DDX10: variants seen among roughly 807,000 people sequenced by gnomAD.
DDX10 encodes DEAD-box helicase 10, also known as probable ATP-dependent RNA helicase DDX10.
In DDX10, 74 loss-of-function variants were observed where a neutral mutation model predicts 104.3. The ratio of observed to expected loss-of-function variants is 0.71; its 90% confidence interval spans 0.59 to 0.86. DDX10 has a LOEUF of 0.86. Among genes scored for constraint, DDX10 ranks in the 40% least tolerant of loss-of-function variants. DDX10 has a pLI of 0.00. For synonymous variants in DDX10, 351 were observed against 353.4 expected (o/e 0.99, Z 0.08); for missense variants, 952 against 1,040.0 (o/e 0.92, Z 1.16).
At chr11:108,792,766 C>T (rs907707537) in intron 13 of DDX10, among the ~76,000 whole-genome samples, 1 of 151,856 alleles carries the variant, frequency 6.6e-6, no homozygotes, top group Non-Finnish European at 1.5e-5. Flanking sequence ...TTGTAATAAG[C>T]CTTTAATTAC....
chr11:108,805,836 T>C (rs1862090549), intron 13 of DDX10, among the ~76,000 whole-genome samples: 1 of 152,222 alleles, frequency 6.6e-6, no homozygotes, highest in Non-Finnish European at 1.5e-5. Context: ...GAAATAAATG[T>C]ACTTATTTAA....
At chr11:108,772,444 T>C (rs374339085) in intron 13 of DDX10, among the ~76,000 whole-genome samples, 3 of 151,928 alleles carry the variant, frequency 2.0e-5, no homozygotes, top group East Asian at 3.9e-4. Context: ...GTGGCAGAGA[T>C]TGAAGTGATG....
chr11:108,883,923 T>C (rs905642787), intron 16 of DDX10, among the ~76,000 whole-genome samples: 7 of 152,206 alleles, frequency 4.6e-5, no homozygotes, highest in African/African-American at 1.7e-4. Context: ...CTTTCCTAAC[T>C]TCTCTTCTAC....
rs370348914 is a variant in DDX10, at chr11:108,832,725, G to A, written c.1966-5721G>A. 6.6e-4 allele frequency among the ~76,000 whole-genome samples: 100 copies of A among 152,300 alleles called. 2 individuals are homozygous for A. In the South Asian group the frequency reaches 0.02, roughly 31 times the overall value. On this transcript the variant is annotated intron_variant, in intron 13 of 17. Coordinates refer to ENST00000322536, the MANE Select transcript of DDX10 (RefSeq NM_004398.4). ...GGGAATATAAGTTTGTATAACTTTG[G>A]GAGGATTATTTGGAAATATATTTCA...
In DDX10 at chr11:108,678,229, GC is replaced by G. The variant is rs943665432; in HGVS notation, c.538-83del. ...AGTATCTAAAATGTTGTGATGAAAT[GC>G]CCATGCAGATGGCTTTTATAGCTTT... On this transcript the variant is annotated intron_variant, in intron 4 of 17. Transcript: ENST00000322536. 5 of 1,333,314 alleles carry G rather than the reference GC, an allele frequency of 3.8e-6. No homozygotes were observed. The African/African-American group carries it at 7.4e-5, about 20-fold the overall frequency. 82.6% of individuals were successfully genotyped at this position (1,333,314 alleles called of 1,614,324 possible).
At chr11:108,915,669 A>G (rs1358390865) in intron 16 of DDX10, among the ~76,000 whole-genome samples, 1 of 152,188 alleles carries the variant, frequency 6.6e-6, no homozygotes, top group Non-Finnish European at 1.5e-5. Flanking sequence ...TAATGTAACA[A>G]ATTTCAAAAA....
intron 15 of DDX10, among the ~76,000 whole-genome samples, chr11:108,849,564 C>T (rs1032897396): frequency 6.6e-6 from 1 of 151,782 alleles, no homozygotes; most frequent in Non-Finnish European, 1.5e-5. Context: ...TATTTTATAC[C>T]TTGAAATTTG....
At chr11:108,734,511 C>G (rs1022203313) in intron 13 of DDX10, among the ~76,000 whole-genome samples, 2 of 151,956 alleles carry the variant, frequency 1.3e-5, no homozygotes, top group Non-Finnish European at 2.9e-5. Flanking sequence ...CAGATGACTT[C>G]CTGAGGATGT....
chr11:108,821,640 A>C (rs924403611), intron 13 of DDX10, among the ~76,000 whole-genome samples: 1 of 152,170 alleles, frequency 6.6e-6, no homozygotes, highest in Admixed American at 6.5e-5. Flanking sequence ...TTTTTCTGTC[A>C]GTTGCTCTAC....
chr11:108,891,227 AT>A (rs984265294), intron 16 of DDX10, among the ~76,000 whole-genome samples: 8 of 152,168 alleles, frequency 5.3e-5, no homozygotes, highest in Non-Finnish European at 1.0e-4. Flanking sequence ...GAATTTTTAC[AT>A]TTTTAAAAAA....
intron 16 of DDX10, among the ~76,000 whole-genome samples, chr11:108,866,964 T>C (rs1375640105): frequency 6.6e-6 from 1 of 152,168 alleles, no homozygotes; most frequent in Non-Finnish European, 1.5e-5. Flanking sequence ...CTTGTAGGAT[T>C]CACAAAAGAA....
chr11:108,791,032 A>G (rs1861863677), intron 13 of DDX10, among the ~76,000 whole-genome samples: 1 of 152,222 alleles, frequency 6.6e-6, no homozygotes, highest in African/African-American at 2.4e-5. Context: ...TCTTCCCACA[A>G]CGAGGTGGAG....
At chr11:108,678,989 G>C (rs1056665858) in intron 5 of DDX10, among the ~76,000 whole-genome samples, 39 of 148,406 alleles carry the variant, frequency 2.6e-4, no homozygotes, top group African/African-American at 8.6e-4. Flanking sequence ...CCTCCCGATA[G>C]CTGGGACTAC....
chr11:108,859,810 T>G (rs1282553569), intron 16 of DDX10, among the ~76,000 whole-genome samples: 2 of 152,246 alleles, frequency 1.3e-5, no homozygotes, highest in African/African-American at 4.8e-5. Flanking sequence ...TGGGTATGTG[T>G]GGATGTGACC....
At chr11:108,714,495 A>G (rs1314378152) in intron 10 of DDX10, among the ~76,000 whole-genome samples, 1 of 149,798 alleles carries the variant, frequency 6.7e-6, no homozygotes, top group African/African-American at 2.5e-5. Context: ...TACAAGCTCC[A>G]TCCATAGGGA....
chr11:108,741,780 G>T (rs2094325506), intron 13 of DDX10, among the ~76,000 whole-genome samples: 1 of 152,048 alleles, frequency 6.6e-6, no homozygotes, highest in East Asian at 1.9e-4. Context: ...TCCTATTTGG[G>T]TGCCTTTTAT....
chr11:108,720,487 TTA>T (rs528953325), intron 12 of DDX10, among the ~76,000 whole-genome samples: 242 of 152,360 alleles, frequency 1.6e-3, no homozygotes, highest in Middle Eastern at 3.4e-3. Flanking sequence ...TTGGTGTTTC[TTA>T]CAGGTACTCA....
At chr11:108,878,655 G>T (rs1279388320) in intron 16 of DDX10, among the ~76,000 whole-genome samples, 1 of 152,096 alleles carries the variant, frequency 6.6e-6, no homozygotes, top group Admixed American at 6.5e-5. Flanking sequence ...GTTATCATGG[G>T]ATTCTCTATA....
intron 13 of DDX10, among the ~76,000 whole-genome samples, chr11:108,775,889 C>T (rs1357490521): frequency 2.0e-5 from 3 of 152,136 alleles, no homozygotes; most frequent in Admixed American, 6.5e-5. Context: ...TTAATAACTT[C>T]GTATAATCGT....
Sources: allele counts gnomAD v4.1 joint callset (sites outside exome capture counted in the v4.1 genomes callset), GRCh38; gene constraint gnomAD v4.1.1; transcripts MANE v1.5; gene names NCBI Gene and HGNC (gene_info 2026-07-23, HGNC 2026-07-21).